The following ARMC3 variants were observed in gnomAD, a reference collection of about 807,000 sequenced individuals.
ARMC3 encodes armadillo repeat-containing protein 3.
A neutral mutation model predicts 90.3 loss-of-function variants in ARMC3; 74 were observed. The ratio of observed to expected loss-of-function variants is 0.82; its 90% CI spans 0.68 to 0.99. ARMC3 has a LOEUF of 0.99. ARMC3 is among the 50% of genes least tolerant of loss of function. ARMC3 has a pLI of 0.00. For synonymous variants in ARMC3, 334 were observed against 361.8 expected, an observed-to-expected ratio of 0.92 and a Z score of 0.87; for missense variants, 958 against 1,042.8, an observed-to-expected ratio of 0.92 and a Z score of 1.12.
At chr10:23,005,492 G>A (rs562662522) in intron 13 of ARMC3, among the ~76,000 whole-genome samples, 5 of 152,286 alleles carry the variant, frequency 3.3e-5, no homozygotes, top group South Asian at 2.1e-4. Flanking sequence ...CAAGGTCTCC[G>A]CTTCCATGGT....
At chr10:23,024,636 T>C (rs1298876537) in intron 16 of ARMC3, among the ~76,000 whole-genome samples, 1 of 152,186 alleles carries the variant, frequency 6.6e-6, no homozygotes, top group African/African-American at 2.4e-5. Context: ...ATAAGCCATA[T>C]TTGTACATTG....
Position 22,968,496 on chromosome 10 carries a change from C to G in ARMC3, c.916+7C>G. 6.4e-7 allele frequency: 1 copy of G among 1,557,854 alleles called. No homozygotes were observed. Among genetic ancestry groups the G allele is most frequent in the Non-Finnish European group, 8.7e-7 (1 of 1,155,434 alleles). Reference sequence around the variant, plus strand: ...ACTAAAGCAGCTTATGATCGTATGTCTCATTTTATTTTATTTATTTTGAGA... The same window carrying G: ...ACTAAAGCAGCTTATGATCGTATGTGTCATTTTATTTTATTTATTTTGAGA... On this transcript the variant is annotated splice_region_variant and intron_variant, in intron 8 of 18. Coordinates refer to ENST00000298032, the MANE Select transcript of ARMC3 (RefSeq NM_173081.5).
intron 16 of ARMC3, among the ~76,000 whole-genome samples, chr10:23,018,732 G>A (rs141255028): frequency 0.013 from 1,962 of 152,184 alleles, 49 homozygotes; most frequent in African/African-American, 0.045. Flanking sequence ...TAGCCAGGAT[G>A]GTCTCGATCT....
At chr10:22,999,125 G>C (rs1179013560) in intron 11 of ARMC3, among the ~76,000 whole-genome samples, 2 of 151,546 alleles carry the variant, frequency 1.3e-5, no homozygotes, top group Admixed American at 1.3e-4. Flanking sequence ...TATACATGTG[G>C]GTTATTATAT....
At chr10:23,012,355 TCTC>T (rs1319864888) in intron 16 of ARMC3, among the ~76,000 whole-genome samples, 1 of 152,212 alleles carries the variant, frequency 6.6e-6, no homozygotes, top group Non-Finnish European at 1.5e-5. Flanking sequence ...GGTGCTATCT[TCTC>T]ATCCTTTGCA....
intron 8 of ARMC3, among the ~76,000 whole-genome samples, chr10:22,972,440 T>C (rs1290634640): frequency 1.3e-5 from 2 of 152,214 alleles, no homozygotes; most frequent in African/African-American, 4.8e-5. Context: ...AATTGGTTAT[T>C]TGTAATAGAA....
At chr10:22,955,281 A>G (rs1834885606) in intron 3 of ARMC3, 1 of 152,998 alleles carries the variant, frequency 6.5e-6, no homozygotes, top group Non-Finnish European at 1.5e-5. Context: ...GATGACATCT[A>G]TAGACAATTC....
intron 8 of ARMC3, among the ~76,000 whole-genome samples, chr10:22,979,688 A>G (rs926972493): frequency 6.6e-6 from 1 of 152,184 alleles, no homozygotes; most frequent in Non-Finnish European, 1.5e-5. Context: ...GATATTACTT[A>G]TTCAGTGAAA....
At chr10:22,961,833 G>T in intron 6 of ARMC3, 51 bp from the exon 7 acceptor site, 1 of 1,405,794 alleles carries the variant, frequency 7.1e-7, no homozygotes, top group South Asian at 1.4e-5. Flanking sequence ...CTCCATTCTT[G>T]AGGATGTATT....
intron 13 of ARMC3, among the ~76,000 whole-genome samples, chr10:23,005,041 A>G (rs945995507): frequency 9.2e-5 from 14 of 151,640 alleles, no homozygotes; most frequent in East Asian, 3.9e-4. Flanking sequence ...GTGGAACCCC[A>G]TCTCTACTAA....
At position 22,959,744 on chromosome 10, in the gene ARMC3, A is replaced by G. The variant is rs1835113713; in HGVS notation, c.537+170A>G. On this transcript the variant is annotated intron_variant, in intron 6 of 18. Coordinates refer to ENST00000298032, the MANE Select transcript of ARMC3 (RefSeq NM_173081.5). ...AAATAATGGAAGCTTAATGTAGATA[A>G]TCTTTCAATTTTCACATTTTGTAAG... is the stretch of plus-strand genomic sequence containing the variant. 13 of 703,428 alleles carry G rather than the reference A, an allele frequency of 1.8e-5. No homozygotes were observed. The South Asian group carries it at 2.4e-4, about 13-fold the overall frequency. 43.6% of individuals were successfully genotyped at this position (703,428 alleles called of 1,614,324 possible).
Position 23,008,825 on chromosome 10 carries a change from TATC to T in ARMC3, c.1942_1944del (p.His648del), listed in dbSNP as rs1397784618. 3.1e-6 allele frequency: 5 copies of T among 1,611,716 alleles called. No homozygotes were observed. The highest frequency in any genetic ancestry group is 4.2e-6 in the Non-Finnish European group (5 of 1,178,534). The stretch of plus-strand genomic sequence containing the variant: ...TTTTCAAATGACAAGAAAAAATAGT[TATC>T]ATTTTAGTGCTGGATTTGGATCTCC... On this transcript the variant is annotated inframe_deletion, in exon 16 of 19. Coordinates refer to ENST00000298032, the MANE Select transcript of ARMC3 (RefSeq NM_173081.5).
At position 22,974,164 on chromosome 10, in the gene ARMC3, A is replaced by G. The variant is rs190647072; in HGVS notation, c.916+5675A>G. On this transcript the variant is annotated intron_variant, in intron 8 of 18. Coordinates refer to ENST00000298032, the MANE Select transcript of ARMC3 (RefSeq NM_173081.5). ...CTCTTTAGCTTTTGATTCTAATTTG[A>G]TATTAAGATTACCATGTATTATCAA... Among the ~76,000 whole-genome samples the G allele has an allele frequency of 3.9e-3, 593 of 152,132 alleles. 3 individuals carry two copies. Among genetic ancestry groups the G allele is most frequent in the Middle Eastern group, 0.02 (6 of 294 alleles).
chr10:22,972,824 A>G (rs1425041800), intron 8 of ARMC3, among the ~76,000 whole-genome samples: 2 of 152,160 alleles, frequency 1.3e-5, no homozygotes, highest in East Asian at 1.9e-4. Flanking sequence ...ATTTTATATT[A>G]TCTATAGATA....
At chr10:22,964,289 CAT>C (rs1359752443) in intron 7 of ARMC3, among the ~76,000 whole-genome samples, 5 of 152,104 alleles carry the variant, frequency 3.3e-5, no homozygotes, top group African/African-American at 7.2e-5. Context: ...GGACTGAACA[CAT>C]ATTAATATGT....
intron 8 of ARMC3, among the ~76,000 whole-genome samples, chr10:22,971,736 C>T (rs547528962): frequency 2.7e-5 from 4 of 147,640 alleles, no homozygotes; most frequent in Non-Finnish European, 6.0e-5. Flanking sequence ...CCACCATGCC[C>T]GTCCTCTATT....
chr10:23,014,191 C>T, intron 16 of ARMC3: 2 of 1,547,730 alleles, frequency 1.3e-6, no homozygotes, highest in Non-Finnish European at 1.7e-6. Flanking sequence ...TGGATTCAGA[C>T]ACAACTGGGC....
intron 4 of ARMC3, 21 bp from the exon 5 acceptor site, chr10:22,959,049 A>G (rs748556114): frequency 8.4e-6 from 13 of 1,547,966 alleles, no homozygotes; most frequent in South Asian, 6.7e-5. Flanking sequence ...AAACATCAAT[A>G]CTCTGTTTCT....
intron 2 of ARMC3, 59 bp downstream of exon 2, chr10:22,932,103 T>C: frequency 6.8e-7 from 1 of 1,481,194 alleles, no homozygotes; most frequent in Non-Finnish European, 9.2e-7. Flanking sequence ...AAATAAATTG[T>C]TCACACAGTT....
Sources: allele counts gnomAD v4.1 joint callset (sites outside exome capture counted in the v4.1 genomes callset), GRCh38; gene constraint gnomAD v4.1.1; transcripts MANE v1.5; gene names NCBI Gene and HGNC (gene_info 2026-07-23, HGNC 2026-07-21).